Variants in LIN7B observed in about 807,000 individuals in gnomAD.
The protein encoded by LIN7B is protein lin-7 homolog B.
Under a neutral mutation model 27.9 loss-of-function variants are expected in LIN7B, and 16 were observed. The observed-to-expected ratio is 0.57, with a 90% CI of 0.39 to 0.87. The LOEUF (loss-of-function observed/expected upper bound fraction) is 0.87. Ranked by LOEUF, LIN7B falls within the 40% of genes least tolerant of loss-of-function variation. LIN7B has a pLI of 0.00. For synonymous variants in LIN7B, 147 were observed against 120.8 expected, an observed-to-expected ratio of 1.22 and a Z score of -1.42; for missense variants, 291 against 288.5, an observed-to-expected ratio of 1.01 and a Z score of -0.06.
At chr19:49,115,525 A>G (rs2040811936) in intron 3 of LIN7B, 194 bp downstream of exon 3, 1 of 585,542 alleles carries the variant, frequency 1.7e-6, no homozygotes, top group African/African-American at 1.9e-5. Context: ...CTGCAAATGG[A>G]AACAGTATGG....
chr19:49,115,852 AAAAG>A (rs1239835295), intron 3 of LIN7B: 1 of 160,966 alleles, frequency 6.2e-6, no homozygotes, highest in Non-Finnish European at 1.4e-5. Flanking sequence ...AAAAGAAAGA[AAAAG>A]CCGAGCGTGG....
In LIN7B at chr19:49,118,399, C is replaced by T. The variant is rs779209551; in HGVS notation, c.*26C>T. The T allele has an allele frequency of 3.1e-6, 5 of 1,612,584 alleles. No individual in the cohort carries two copies. The highest frequency in any genetic ancestry group is 4.2e-6 in the Non-Finnish European group (5 of 1,178,714). On this transcript the variant is annotated 3_prime_UTR_variant, in exon 6 of 6. Transcript: ENST00000221459. Reference sequence around the variant, plus strand: ...AACCACAGATCTGGACGTTCACGTGCACTCTCTTCCTGTACAGTATTTATT... The same window carrying T: ...AACCACAGATCTGGACGTTCACGTGTACTCTCTTCCTGTACAGTATTTATT...
intron 5 of LIN7B, 37 bp from the exon 6 acceptor site, chr19:49,118,315 T>A (rs976947603): frequency 1.2e-6 from 2 of 1,612,790 alleles, no homozygotes; most frequent in African/African-American, 2.7e-5. Context: ...ACCCGGAGCC[T>A]CCCTGATCCC....
intron 5 of LIN7B, 26 bp downstream of exon 5, chr19:49,118,044 T>TG (rs2040862700): frequency 6.2e-7 from 1 of 1,612,280 alleles, no homozygotes; most frequent in Admixed American, 1.7e-5. Flanking sequence ...ACCACACCCC[T>TG]GGGGCCTCCA....
intron 4 of LIN7B, among the ~76,000 whole-genome samples, 170 bp downstream of exon 4, chr19:49,116,642 C>G (rs1254554484): frequency 6.6e-6 from 1 of 152,252 alleles, no homozygotes; most frequent in East Asian, 1.9e-4. Context: ...TACACTCAAC[C>G]TTCTCTCTCT....
At chr19:49,115,143 G>A in intron 2 of LIN7B, 117 bp from the exon 3 acceptor site, 1 of 1,000,590 alleles carries the variant, frequency 1.0e-6, no homozygotes, top group East Asian at 3.1e-5. Flanking sequence ...TCGGCCTTCT[G>A]TTGCGGGGGC....
At position 49,117,776 on chromosome 19, in the gene LIN7B, GCAGTGGGTCCCATCTCC is replaced by G. The variant is rs572615211; in HGVS notation, c.439-71_439-55del. 2.7e-4 allele frequency: 353 copies of G among 1,302,208 alleles called. No homozygotes were observed. The African/African-American group carries it at 4.3e-3, about 16-fold the overall frequency. The allele number at this position is 1,302,208 out of a possible 1,614,324, so 80.7% of individuals were successfully genotyped here. ...CTCAGGGCTGGCACCAGGCTCACTA[GCAGTGGGTCCCATCTCC>G]CAGTGGGGGCTGGACGAGGGCAGCG... On this transcript the variant is annotated intron_variant, in intron 4 of 5. Coordinates refer to ENST00000221459, the MANE Select transcript of LIN7B (RefSeq NM_022165.3).
chr19:49,117,424 G>A (rs570987843), intron 4 of LIN7B, among the ~76,000 whole-genome samples: 2 of 152,142 alleles, frequency 1.3e-5, no homozygotes, highest in East Asian at 3.9e-4. Flanking sequence ...GCTTGCAGGT[G>A]CAGAAGGACC....
Position 49,114,829 on chromosome 19 carries a change from G to GCCCCGC in LIN7B, c.38-10_38-5dup, listed in dbSNP as rs754012757. The GCCCCGC allele has an allele frequency of 5.2e-5, 72 of 1,390,928 alleles. No individual in the cohort carries two copies. Among genetic ancestry groups the GCCCCGC allele is most frequent in the African/African-American group, 2.1e-4 (14 of 66,234 alleles). The allele number at this position is 1,390,928 out of a possible 1,614,324, so 86.2% of individuals were successfully genotyped here. On this transcript the variant is annotated intron_variant, in intron 1 of 5. Coordinates refer to ENST00000221459, the MANE Select transcript of LIN7B (RefSeq NM_022165.3). Reference sequence around the variant, plus strand: ...GGTCTCTGACACTCGGGGTTTCTGCGCCCCGCCCCCGCCCCGCAGACGTGT... The same window carrying GCCCCGC: ...GGTCTCTGACACTCGGGGTTTCTGCGCCCCGCCCCCGCCCCCGCCCCGCAGACGTGT...
chr19:49,116,870 A>G (rs548565159), intron 4 of LIN7B, among the ~76,000 whole-genome samples: 1 of 152,282 alleles, frequency 6.6e-6, no homozygotes, highest in Non-Finnish European at 1.5e-5. Context: ...ACTGTAGATA[A>G]GGATACTGAC....
chr19:49,114,434 G>A lies in LIN7B; in HGVS notation c.30G>A (p.Leu10=), dbSNP rs551303600. 6.1e-5 allele frequency: 74 copies of A among 1,207,884 alleles called. No homozygotes were observed. The African/African-American group carries it at 1.1e-3, about 18-fold the overall frequency. The allele number at this position is 1,207,884 out of a possible 1,614,324, so 74.8% of individuals were successfully genotyped here. Residue 10 remains leucine, a synonymous_variant, in exon 1 of 6, where the codon CTG becomes CTA. Transcript: ENST00000221459. The part of the protein sequence containing the change: MAALVEPLG[L]ERDVSRAVEL... The stretch of plus-strand genomic sequence containing the variant: ...CTGCGCTGGTGGAGCCGCTGGGGCT[G>A]GAGCGGGGTAAGCGTGCGCCAGGGG...
Position 49,118,412 on chromosome 19 carries a change from T to A in LIN7B, c.*39T>A. ...GACGTTCACGTGCACTCTCTTCCTG[T>A]ACAGTATTTATTGTTCCTGGCACTT... On this transcript the variant is annotated 3_prime_UTR_variant, in exon 6 of 6. Coordinates refer to ENST00000221459, the MANE Select transcript of LIN7B (RefSeq NM_022165.3). The A allele has an allele frequency of 6.2e-7, 1 of 1,610,418 alleles. No individual in the cohort carries two copies. Among genetic ancestry groups the A allele is most frequent in the Non-Finnish European group, 8.5e-7 (1 of 1,176,594 alleles).
chr19:49,116,033 G>A (rs2040820099), intron 3 of LIN7B: 2 of 459,088 alleles, frequency 4.4e-6, no homozygotes, highest in Non-Finnish European at 7.8e-6. Flanking sequence ...AAGTAAGATT[G>A]GCAAGTATGG....
At position 49,116,400 on chromosome 19, in the gene LIN7B, C is replaced by A. The variant is rs763612232; in HGVS notation, c.366C>A (p.Val122=). 3 of 1,614,258 alleles carry A rather than the reference C, an allele frequency of 1.9e-6. No homozygotes were observed. In the East Asian group the frequency reaches 6.7e-5, roughly 36 times the overall value. Residue 122 remains valine, a synonymous_variant, in exon 4 of 6, where the codon GTC becomes GTA. Transcript: ENST00000221459. ...ACTCGCCCATCTACATCTCCCGGGT[C>A]ATCCCAGGGGGTGTGGCTGACCGCC... is the stretch of plus-strand genomic sequence containing the variant. ...EQNSPIYISR[V]IPGGVADRHG...
At chr19:49,117,816 G>C (rs373514189) in intron 4 of LIN7B, 39 bp from the exon 5 acceptor site, 41 of 1,586,426 alleles carry the variant, frequency 2.6e-5, no homozygotes, top group African/African-American at 4.0e-5. Flanking sequence ...GACGAGGGCA[G>C]CGGGCCCCAG....
chr19:49,118,259 T>TA, intron 5 of LIN7B, 93 bp from the exon 6 acceptor site: 1 of 1,461,504 alleles, frequency 6.8e-7, no homozygotes. Flanking sequence ...TCAGCCCACT[T>TA]ACCTGGGCCC....
At chr19:49,114,462 C>G in intron 1 of LIN7B, 21 bp downstream of exon 1, 4 of 1,207,796 alleles carry the variant, frequency 3.3e-6, no homozygotes, top group Non-Finnish European at 4.1e-6. Context: ...GCCAGGGGGC[C>G]CTGCCCACCC....
Position 49,118,189 on chromosome 19 carries a change from C to G in LIN7B, c.603-163C>G, listed in dbSNP as rs995518236. On this transcript the variant is annotated intron_variant, in intron 5 of 5. Coordinates refer to ENST00000221459, the MANE Select transcript of LIN7B (RefSeq NM_022165.3). The stretch of plus-strand genomic sequence containing the variant: ...CCCCAGGCTAGTTTGGCCAAATCCC[C>G]TGGGGAGCCCTTAGCTTCCTTCCAT... The G allele has an allele frequency of 3.8e-6, 5 of 1,326,744 alleles. No homozygotes were observed. In the South Asian group the frequency reaches 5.3e-5, roughly 14 times the overall value. The allele number at this position is 1,326,744 out of a possible 1,614,324, so 82.2% of individuals were successfully genotyped here.
chr19:49,116,300 C>T lies in LIN7B; in HGVS notation c.266C>T (p.Ala89Val), dbSNP rs1200397229. 2.5e-6 allele frequency: 4 copies of T among 1,614,118 alleles called. No homozygotes were observed. Among genetic ancestry groups the T allele is most frequent in the South Asian group, 1.1e-5 (1 of 91,076 alleles). Residue 89 changes from alanine (A) to valine (V), a missense_variant, in exon 4 of 6, where the codon GCA (alanine) becomes GTA (valine). By Grantham distance (64) the Ala-to-Val change is moderately conservative. Transcript: ENST00000221459. The stretch of plus-strand genomic sequence containing the variant: ...GCCTTCACAGCCAGCGAGGGCCACG[C>T]ACATCCCAGGGTAGTGGAGCTACCC... The part of the protein sequence containing the change: ...VAAFTASEGH[A>V]HPRVVELPKT...
Sources: allele counts gnomAD v4.1 joint callset (sites outside exome capture counted in the v4.1 genomes callset), GRCh38; gene constraint gnomAD v4.1.1; transcripts MANE v1.5; gene names NCBI Gene and HGNC (gene_info 2026-07-23, HGNC 2026-07-21).